The following CCDC148 variants were observed in gnomAD, a reference collection of about 807,000 sequenced individuals.
The protein encoded by CCDC148 is coiled-coil domain-containing protein 148.
Under a neutral mutation model 85.7 loss-of-function variants are expected in CCDC148, and 89 were observed. The observed-to-expected ratio is 1.04, with a 90% CI of 0.87 to 1.24. The LOEUF (loss-of-function observed/expected upper bound fraction) is 1.24. Among genes scored for constraint, CCDC148 ranks in the 50% most tolerant of loss-of-function variants. CCDC148 has a pLI of 0.00. For synonymous variants in CCDC148, 230 were observed against 213.9 expected, an observed-to-expected ratio of 1.08 and a Z score of -0.66; for missense variants, 692 against 671.7, an observed-to-expected ratio of 1.03 and a Z score of -0.33.
chr2:158,340,431 T>C (rs1404154109), intron 4 of CCDC148, 38 bp from the exon 5 acceptor site: 3 of 1,600,966 alleles, frequency 1.9e-6, no homozygotes, highest in African/African-American at 1.3e-5. Flanking sequence ...GAACACATTA[T>C]TATTTTAAGT....
intron 7 of CCDC148, among the ~76,000 whole-genome samples, chr2:158,325,611 C>T (rs1335674341): frequency 1.3e-5 from 2 of 150,654 alleles, no homozygotes; most frequent in Non-Finnish European, 3.0e-5. Flanking sequence ...ACCCATATAG[C>T]CAACTGCATC....
chr2:158,172,000 C>G lies in CCDC148; in HGVS notation c.*113G>C. ...AAAGGCAAAGTTGTTTTAATAGATG[C>G]TATGATTTCTATGTCTGATATTTCA... On this transcript the variant is annotated 3_prime_UTR_variant, in exon 14 of 14. Coordinates refer to ENST00000283233, the MANE Select transcript of CCDC148 (RefSeq NM_138803.4). 1 of 810,638 alleles carries G rather than the reference C, an allele frequency of 1.2e-6. No homozygotes were observed. Among genetic ancestry groups the G allele is most frequent in the Non-Finnish European group, 1.9e-6 (1 of 534,772 alleles). 50.2% of individuals were successfully genotyped at this position (810,638 alleles called of 1,614,324 possible).
At chr2:158,236,941 A>G (rs1688134220) in intron 10 of CCDC148, among the ~76,000 whole-genome samples, 1 of 152,178 alleles carries the variant, frequency 6.6e-6, no homozygotes, top group Non-Finnish European at 1.5e-5. Context: ...GACAAGTGCT[A>G]AGGAAAAAAT....
chr2:158,320,410 T>C (rs1310649913), intron 7 of CCDC148, among the ~76,000 whole-genome samples: 1 of 152,148 alleles, frequency 6.6e-6, no homozygotes, highest in African/African-American at 2.4e-5. Context: ...TTGTTCTCCA[T>C]AGTGTTCGTT....
At chr2:158,273,624 C>A (rs138660002) in intron 9 of CCDC148, among the ~76,000 whole-genome samples, 2 of 152,204 alleles carry the variant, frequency 1.3e-5, no homozygotes, top group Non-Finnish European at 2.9e-5. Context: ...GATGCCACAC[C>A]CTAGAGGTGC....
chr2:158,310,796 C>T (rs980052007), intron 8 of CCDC148, among the ~76,000 whole-genome samples: 29 of 142,452 alleles, frequency 2.0e-4, no homozygotes, highest in African/African-American at 6.4e-4. Flanking sequence ...ACATCCCAGA[C>T]GATAGGCGGC....
rs541473473 is a variant in CCDC148, at chr2:158,278,556, T to C, written c.1111-27644A>G. Among the ~76,000 whole-genome samples the C allele has an allele frequency of 5.3e-4, 81 of 152,250 alleles. 1 individual carries two copies. The highest frequency in any genetic ancestry group is 1.8e-3 in the African/African-American group (73 of 41,538). The stretch of plus-strand genomic sequence containing the variant: ...AGCAGTCTGAGATCAAACTGCAAGG[T>C]GGCAGCGAGGCTGGGGGAGGGGCGC... On this transcript the variant is annotated intron_variant, in intron 9 of 13. Transcript: ENST00000283233.
At chr2:158,218,236 C>A (rs1332891671) in intron 11 of CCDC148, among the ~76,000 whole-genome samples, 1 of 152,116 alleles carries the variant, frequency 6.6e-6, no homozygotes, top group Non-Finnish European at 1.5e-5. Context: ...AAAAGTGGAT[C>A]AACTCTGTCC....
rs368057519 is a variant in CCDC148 at position 158,241,779 on chromosome 2, A to G, written c.1251+8993T>C. Among the ~76,000 whole-genome samples the G allele has an allele frequency of 1.2e-4, 19 of 152,286 alleles. No homozygotes were observed. In the East Asian group the frequency reaches 3.7e-3, roughly 29 times the overall value. On this transcript the variant is annotated intron_variant, in intron 10 of 13. Transcript: ENST00000283233. ...TGGAGGACATTCGTACCAATACTCA[A>G]TATAACAGTAAATGAAATATGTTGA...
At chr2:158,243,371 C>G (rs1053671444) in intron 10 of CCDC148, among the ~76,000 whole-genome samples, 1 of 152,046 alleles carries the variant, frequency 6.6e-6, no homozygotes, top group South Asian at 2.1e-4. Flanking sequence ...ACTATTAGCC[C>G]ATTTTCACAT....
intron 1 of CCDC148, among the ~76,000 whole-genome samples, chr2:158,384,487 A>AACTGTGTAGC (rs1453943903): frequency 6.6e-6 from 1 of 151,844 alleles, no homozygotes; most frequent in African/African-American, 2.4e-5. Context: ...GTTTGTTTAA[A>AACTGTGTAGC]ACTGTGTAGC....
At chr2:158,337,964 G>A (rs1395240962) in intron 7 of CCDC148, among the ~76,000 whole-genome samples, 1 of 152,048 alleles carries the variant, frequency 6.6e-6, no homozygotes, top group Non-Finnish European at 1.5e-5. Context: ...CTATAAATGT[G>A]TCCCTTAAAT....
intron 9 of CCDC148, among the ~76,000 whole-genome samples, chr2:158,285,640 C>T (rs1205309271): frequency 1.3e-5 from 2 of 151,658 alleles, no homozygotes; most frequent in South Asian, 4.2e-4. Context: ...ACACCATTCT[C>T]CTGCCTCAGC....
chr2:158,330,445 T>C (rs1427005735), intron 7 of CCDC148, among the ~76,000 whole-genome samples: 1 of 152,198 alleles, frequency 6.6e-6, no homozygotes, highest in African/African-American at 2.4e-5. Context: ...TCAATGTTTA[T>C]CAGCGATATT....
chr2:158,236,963 AATAG>A (rs547202199), intron 10 of CCDC148, among the ~76,000 whole-genome samples: 62 of 152,290 alleles, frequency 4.1e-4, no homozygotes, highest in African/African-American at 1.3e-3. Flanking sequence ...AAGCAGGATA[AATAG>A]ATAGTGACAG....
intron 8 of CCDC148, among the ~76,000 whole-genome samples, chr2:158,311,147 C>T (rs963857532): frequency 6.6e-5 from 10 of 152,164 alleles, no homozygotes; most frequent in South Asian, 2.1e-4. Context: ...TTGTAGCGAG[C>T]GGAGATCACG....
intron 2 of CCDC148, among the ~76,000 whole-genome samples, chr2:158,356,601 G>A (rs879860060): frequency 3.9e-4 from 59 of 150,142 alleles, no homozygotes; most frequent in Admixed American, 2.1e-3. Context: ...GAGAGGATGT[G>A]GAGAAATAGG....
intron 1 of CCDC148, among the ~76,000 whole-genome samples, chr2:158,414,787 G>T (rs142831945): frequency 6.6e-6 from 1 of 152,282 alleles, no homozygotes; most frequent in Non-Finnish European, 1.5e-5. Context: ...GTCAGTGCCA[G>T]AATGATGATA....
chr2:158,286,578 G>A (rs1239302864), intron 9 of CCDC148, among the ~76,000 whole-genome samples: 2 of 152,168 alleles, frequency 1.3e-5, no homozygotes, highest in African/African-American at 4.8e-5. Flanking sequence ...CAAGGTAGGA[G>A]GGCATTTTCT....
Sources: allele counts gnomAD v4.1 joint callset (sites outside exome capture counted in the v4.1 genomes callset), GRCh38; gene constraint gnomAD v4.1.1; transcripts MANE v1.5; gene names NCBI Gene and HGNC (gene_info 2026-07-23, HGNC 2026-07-21).